Variants in WDTC1 observed in about 807,000 individuals in gnomAD.
The protein encoded by WDTC1 is WD and tetratricopeptide repeats protein 1.
In WDTC1, 12 loss-of-function variants were observed where a neutral mutation model predicts 76.0. That is an observed-to-expected ratio of 0.16 (90% CI 0.10 to 0.26). The LOEUF (loss-of-function observed/expected upper bound fraction) is 0.26. WDTC1 is among the 10% of genes least tolerant of loss of function. The pLI, the probability that WDTC1 is intolerant of heterozygous loss-of-function variation, is 1.00. For missense variants in WDTC1, 511 were observed against 908.8 expected, an observed-to-expected ratio of 0.56 and a Z score of 5.63; for synonymous variants, 326 against 350.8, an observed-to-expected ratio of 0.93 and a Z score of 0.79.
intron 4 of WDTC1, 34 bp from the exon 5 acceptor site, chr1:27,283,304 G>A (rs775455896): frequency 3.8e-6 from 6 of 1,586,416 alleles, no homozygotes; most frequent in Admixed American, 3.3e-5. Flanking sequence ...CTAGGAATTT[G>A]AGGAGAGATC....
intron 2 of WDTC1, 129 bp downstream of exon 2, chr1:27,261,231 C>T: frequency 1.0e-6 from 1 of 961,572 alleles, no homozygotes; most frequent in Non-Finnish European, 1.6e-6. Flanking sequence ...TAGTGGCAGA[C>T]CCAGGACTAG....
At chr1:27,283,549 C>T (rs781714062) in intron 5 of WDTC1, 100 bp downstream of exon 5, 2 of 993,288 alleles carry the variant, frequency 2.0e-6, no homozygotes, top group Non-Finnish European at 3.0e-6. Flanking sequence ...GTCCCATATA[C>T]CGTCTAGGGT....
intron 1 of WDTC1, among the ~76,000 whole-genome samples, chr1:27,249,036 G>A (rs779933482): frequency 2.0e-5 from 3 of 152,142 alleles, no homozygotes; most frequent in Non-Finnish European, 4.4e-5. Flanking sequence ...GGGAGGCTGA[G>A]GCAGACAGAT....
intron 1 of WDTC1, among the ~76,000 whole-genome samples, chr1:27,240,493 C>G (rs1005148929): frequency 6.6e-6 from 1 of 152,036 alleles, no homozygotes; most frequent in African/African-American, 2.4e-5. Flanking sequence ...ATCCTTTTTA[C>G]TAGACCTCAC....
chr1:27,284,890 A>G (rs544787691), intron 5 of WDTC1, among the ~76,000 whole-genome samples: 1 of 152,136 alleles, frequency 6.6e-6, no homozygotes, highest in African/African-American at 2.4e-5. Context: ...TGCGTGTGGC[A>G]GCAGCCACAA....
intron 1 of WDTC1, among the ~76,000 whole-genome samples, chr1:27,239,915 A>G (rs1184465768): frequency 6.6e-6 from 1 of 151,308 alleles, no homozygotes; most frequent in Non-Finnish European, 1.5e-5. Flanking sequence ...TTTTTAAGAC[A>G]GAGTTTTGCT....
chr1:27,237,217 C>T (rs1557471461), intron 1 of WDTC1, among the ~76,000 whole-genome samples: 2 of 152,110 alleles, frequency 1.3e-5, no homozygotes, highest in African/African-American at 4.8e-5. Context: ...TCAAGGGATT[C>T]TCGTACCTCT....
In WDTC1 at chr1:27,306,079, C is replaced by G. The variant is rs1224691532; in HGVS notation, c.1837-107C>G. ...CTCCTGGCATGTATGTGTACCTCCCCCTATAGATAGTTTAGTCTGTGTATT... is the reference window on the plus strand; with the variant it reads ...CTCCTGGCATGTATGTGTACCTCCCGCTATAGATAGTTTAGTCTGTGTATT... On this transcript the variant is annotated intron_variant, in intron 15 of 15. Transcript: ENST00000319394. The surrounding 1 kb of genome is among the most constrained non-coding windows in gnomAD (Gnocchi z 5.0). The G allele has an allele frequency of 7.9e-7, 1 of 1,266,032 alleles. No homozygotes were observed. Among genetic ancestry groups the G allele is most frequent in the Non-Finnish European group, 1.1e-6 (1 of 899,374 alleles). 78.4% of individuals were successfully genotyped at this position (1,266,032 alleles called of 1,614,324 possible). A position where few individuals can be genotyped will look rare whatever the true frequency, so the allele number is the denominator to read the frequency against.
Position 27,276,102 on chromosome 1 carries a change from A to G in WDTC1, c.133-6137A>G, listed in dbSNP as rs114298664. On this transcript the variant is annotated intron_variant, in intron 3 of 15. Coordinates refer to ENST00000319394, the MANE Select transcript of WDTC1 (RefSeq NM_001276252.2). ...TAGCATTCCATCATTTGGATGTACC[A>G]CATTCTGTCTATCCATTCATCAGTT... Among the ~76,000 whole-genome samples the G allele has an allele frequency of 2.1e-3, 321 of 152,324 alleles. 2 individuals carry two copies. Among genetic ancestry groups the G allele is most frequent in the African/African-American group, 7.4e-3 (306 of 41,564 alleles).
Position 27,307,529 on chromosome 1 carries a change from C to T in WDTC1, c.*1146C>T, listed in dbSNP as rs969109550. ...CTTCCCCCTCTCTCCCTCCCTGCTT[C>T]CCCTTCAGTGCTTACTTGGCTCCAG... On this transcript the variant is annotated 3_prime_UTR_variant, in exon 16 of 16. Coordinates refer to ENST00000319394, the MANE Select transcript of WDTC1 (RefSeq NM_001276252.2). This position sits in a 1 kb window ranked among gnomAD's most constrained non-coding sequence, Gnocchi z 4.1. 4.6e-5 allele frequency: 7 copies of T among 153,646 alleles called. No homozygotes were observed. Among genetic ancestry groups the T allele is most frequent in the African/African-American group, 1.7e-4 (7 of 41,556 alleles). 9.5% of individuals were successfully genotyped at this position (153,646 alleles called of 1,614,324 possible). A position where few individuals can be genotyped will look rare whatever the true frequency, so the allele number is the denominator to read the frequency against.
intron 6 of WDTC1, among the ~76,000 whole-genome samples, chr1:27,288,520 T>C (rs1557501598): frequency 6.6e-6 from 1 of 151,986 alleles, no homozygotes; most frequent in Non-Finnish European, 1.5e-5. Context: ...TTTGTGTCCC[T>C]GGGTACTTGA....
Position 27,245,372 on chromosome 1 carries a change from AC to A in WDTC1, c.-100+10423del, listed in dbSNP as rs765770987. 7.2e-4 allele frequency among the ~76,000 whole-genome samples: 110 copies of A among 151,796 alleles called. 3 individuals are homozygous for A. The highest frequency in any genetic ancestry group is 9.7e-4 in the Non-Finnish European group (66 of 68,028). Reference sequence around the variant, plus strand: ...GCTAAGCTTACATCACTCCTGGAAGACCAGTGGGATCAATGGATGAATCGGA... The same window carrying A: ...GCTAAGCTTACATCACTCCTGGAAGACAGTGGGATCAATGGATGAATCGGA... On this transcript the variant is annotated intron_variant, in intron 1 of 15. Coordinates refer to ENST00000319394, the MANE Select transcript of WDTC1 (RefSeq NM_001276252.2).
chr1:27,264,915 G>T (rs1411355858), intron 3 of WDTC1, among the ~76,000 whole-genome samples: 2 of 151,974 alleles, frequency 1.3e-5, no homozygotes, highest in Non-Finnish European at 2.9e-5. Flanking sequence ...TGATCCTCCT[G>T]CCTCAGCCCC....
intron 12 of WDTC1, among the ~76,000 whole-genome samples, chr1:27,299,745 G>T (rs1209168545): frequency 1.3e-5 from 2 of 152,156 alleles, no homozygotes; most frequent in African/African-American, 4.8e-5. Flanking sequence ...CTGAGCAGGA[G>T]AGGGATGTGC....
chr1:27,288,826 C>T (rs1188174485), intron 6 of WDTC1, among the ~76,000 whole-genome samples: 2 of 152,134 alleles, frequency 1.3e-5, no homozygotes, highest in African/African-American at 4.8e-5. Context: ...TCCACAAAAC[C>T]GCCATTGTCA....
intron 6 of WDTC1, among the ~76,000 whole-genome samples, chr1:27,288,921 G>A (rs2013427642): frequency 6.6e-6 from 1 of 151,914 alleles, no homozygotes; most frequent in African/African-American, 2.4e-5. Context: ...TTCCCAGTAG[G>A]GGTGGCCGGG....
At chr1:27,262,536 G>A (rs552381131) in intron 2 of WDTC1, among the ~76,000 whole-genome samples, 2 of 152,044 alleles carry the variant, frequency 1.3e-5, no homozygotes, top group Admixed American at 1.3e-4. Flanking sequence ...TTACAGGCAC[G>A]TGCCACCATG....
At chr1:27,298,817 T>C (rs1020914020) in intron 12 of WDTC1, among the ~76,000 whole-genome samples, 2 of 144,284 alleles carry the variant, frequency 1.4e-5, no homozygotes, top group South Asian at 2.5e-4. Context: ...CCACAGCCAT[T>C]TCTGCTCCGT....
chr1:27,285,174 T>G, intron 5 of WDTC1, among the ~76,000 whole-genome samples: 1 of 152,010 alleles, frequency 6.6e-6, no homozygotes, highest in South Asian at 2.1e-4. Flanking sequence ...GTAGCTGGGA[T>G]TACAGGTGTG....
Sources: gnomAD v4.1 joint callset for allele counts (sites outside exome capture counted in the v4.1 genomes callset) on GRCh38, gnomAD v4.1.1 for gene constraint, Gnocchi (gnomAD v3.1) non-coding constraint, MANE v1.5 for transcripts, NCBI Gene and HGNC (gene_info 2026-07-23, HGNC 2026-07-21) for gene names.